Variants in SLIT3 observed in about 807,000 individuals in gnomAD.
SLIT3 encodes slit guidance ligand 3.
A neutral mutation model predicts 184.0 loss-of-function variants in SLIT3; 68 were observed. The observed-to-expected ratio is 0.37, with a 90% CI of 0.30 to 0.45. The LOEUF is 0.45. Among genes scored for constraint, SLIT3 ranks in the 20% least tolerant of loss-of-function variants. The pLI, the probability that SLIT3 is intolerant of heterozygous loss-of-function variation, is 1.00. For missense variants in SLIT3, 1,707 were observed against 2,026.0 expected (o/e 0.84, Z 3.02); for synonymous variants, 831 against 828.6 (o/e 1.00, Z -0.05).
In SLIT3 at chr5:168,671,281, C is replaced by A. The variant is rs372876846; in HGVS notation, c.4044G>T (p.Lys1348Asn). The change falls in exon 34 of 36, where the codon AAG becomes AAT. Residue 1348 changes from lysine (K) to asparagine (N), a missense_variant. Lys to Asn is a moderately conservative substitution (Grantham distance 94, BLOSUM62 0). Around this residue, in one of 3 missense-constraint regions of SLIT3, gnomAD observed 387 missense variants for 477.9 expected, o/e 0.81. Transcript: ENST00000519560. ...GGCGGCACTCGCACACCACGCTGTC[C>A]TTCTCCACGGAGCGGCACAGGCCGT... ...CKHGLCRSVE[K>N]DSVVCECRPG... 1.3e-4 allele frequency: 213 copies of A among 1,613,656 alleles called. No individual in the cohort carries two copies. Among genetic ancestry groups the A allele is most frequent in the Non-Finnish European group, 1.8e-4 (208 of 1,179,936 alleles).
intron 20 of SLIT3, among the ~76,000 whole-genome samples, chr5:168,746,438 GTGT>G (rs1763819908): frequency 7.3e-6 from 1 of 137,136 alleles, no homozygotes; most frequent in Non-Finnish European, 1.6e-5. Context: ...GTGTGTGGTG[GTGT>G]GGGTGTGGCA....
chr5:169,151,026 T>C (rs751013430), intron 4 of SLIT3, among the ~76,000 whole-genome samples: 28 of 152,070 alleles, frequency 1.8e-4, no homozygotes, highest in Non-Finnish European at 3.5e-4. Flanking sequence ...AAGAAGGATC[T>C]AGTAGTGAGG....
At chr5:169,216,551 G>T (rs17070997) in intron 3 of SLIT3, among the ~76,000 whole-genome samples, 2,593 of 152,222 alleles carry the variant, frequency 0.017, 29 homozygotes, top group Admixed American at 0.03. Flanking sequence ...GCCAATTACC[G>T]AAAACACTTT....
At chr5:169,287,779 G>C (rs969621302) in intron 1 of SLIT3, among the ~76,000 whole-genome samples, 1 of 152,134 alleles carries the variant, frequency 6.6e-6, no homozygotes, top group Admixed American at 6.5e-5. Flanking sequence ...TTCTCAGGGC[G>C]GTTGCAAGCC....
intron 4 of SLIT3, among the ~76,000 whole-genome samples, chr5:169,187,595 T>G (rs1212259504): frequency 1.4e-5 from 2 of 147,842 alleles, no homozygotes; most frequent in Non-Finnish European, 3.0e-5. Context: ...CGCTCTGCCA[T>G]CCAAGCTAGA....
chr5:169,155,005 A>G (rs1007046651), intron 4 of SLIT3, among the ~76,000 whole-genome samples: 7 of 152,236 alleles, frequency 4.6e-5, no homozygotes, highest in Admixed American at 1.3e-4. Context: ...TCATCTAAAA[A>G]TCAGCTCTAA....
At chr5:168,854,608 T>G (rs1382279444) in intron 5 of SLIT3, among the ~76,000 whole-genome samples, 1 of 152,240 alleles carries the variant, frequency 6.6e-6, no homozygotes, top group African/African-American at 2.4e-5. Context: ...GGCAGAGGCA[T>G]GGCCTCTCCG....
chr5:168,938,432 G>T (rs1014000783), intron 4 of SLIT3, among the ~76,000 whole-genome samples: 1 of 152,170 alleles, frequency 6.6e-6, no homozygotes, highest in Admixed American at 6.5e-5. Flanking sequence ...ATATTGCCTG[G>T]TACTGAGAAA....
chr5:169,266,542 G>T (rs1030491622), intron 1 of SLIT3, among the ~76,000 whole-genome samples: 69 of 152,250 alleles, frequency 4.5e-4, no homozygotes, highest in African/African-American at 1.6e-3. Flanking sequence ...AAATGGAGGG[G>T]TCCCCCAGAG....
chr5:168,861,517 C>G (rs1434307675), intron 5 of SLIT3, among the ~76,000 whole-genome samples: 1 of 151,810 alleles, frequency 6.6e-6, no homozygotes, highest in Non-Finnish European at 1.5e-5. Context: ...CATCTCATAC[C>G]TGCCTTGGTA....
chr5:168,900,841 T>C (rs917076316), intron 4 of SLIT3, among the ~76,000 whole-genome samples: 2 of 152,176 alleles, frequency 1.3e-5, no homozygotes, highest in Non-Finnish European at 2.9e-5. Flanking sequence ...GTCATTATTG[T>C]AAGTGAAACA....
chr5:168,672,008 G>A (rs1761266211), intron 33 of SLIT3, among the ~76,000 whole-genome samples: 1 of 152,252 alleles, frequency 6.6e-6, no homozygotes. Flanking sequence ...GCTGCCTTAT[G>A]TGCGGTGTAC....
At chr5:169,268,385 C>A (rs1390011590) in intron 1 of SLIT3, among the ~76,000 whole-genome samples, 1 of 152,222 alleles carries the variant, frequency 6.6e-6, no homozygotes, top group Non-Finnish European at 1.5e-5. Context: ...CATCTGATGG[C>A]ACCACATAAG....
intron 29 of SLIT3, among the ~76,000 whole-genome samples, chr5:168,690,609 A>G (rs541584083): frequency 6.6e-6 from 1 of 152,284 alleles, no homozygotes; most frequent in African/African-American, 2.4e-5. Context: ...AAAGATCAGC[A>G]GTGAACTGAA....
At chr5:168,812,537 C>CA (rs1757194514) in intron 8 of SLIT3, among the ~76,000 whole-genome samples, 1 of 151,944 alleles carries the variant, frequency 6.6e-6, no homozygotes, top group Admixed American at 6.5e-5. Context: ...TGAACAACAA[C>CA]AAAAAAACCT....
At chr5:168,842,479 T>TGTTTTG (rs1554147709) in intron 6 of SLIT3, among the ~76,000 whole-genome samples, 1 of 145,450 alleles carries the variant, frequency 6.9e-6, no homozygotes, top group South Asian at 2.2e-4. Flanking sequence ...GTTTTTTTTT[T>TGTTTTG]TTTTTTTTGT....
chr5:168,842,384 T>C lies in SLIT3; in HGVS notation c.557+2200A>G, dbSNP rs569561553. Among the ~76,000 whole-genome samples the C allele has an allele frequency of 1.2e-3, 179 of 148,526 alleles. 1 individual carries two copies. The highest frequency in any genetic ancestry group is 4.1e-3 in the African/African-American group (169 of 41,262). On this transcript the variant is annotated intron_variant, in intron 6 of 35. Coordinates refer to ENST00000519560, the MANE Select transcript of SLIT3 (RefSeq NM_003062.4). ...ATGGGCTCTTTGCAATGATAAGGAA[T>C]GAGAACTTTTTTTTTTTTCTTTCAG...
Position 168,662,972 on chromosome 5 carries a change from C to G in SLIT3, c.*3482G>C, listed in dbSNP as rs1320485717. 1 of 152,230 alleles carries G rather than the reference C, an allele frequency of 6.6e-6. No homozygotes were observed. The highest frequency in any genetic ancestry group is 1.5e-5 in the Non-Finnish European group (1 of 68,074). 9.4% of individuals were successfully genotyped at this position (152,230 alleles called of 1,614,324 possible). Reference sequence around the variant, plus strand: ...TTTTCTTAATGGTCCTTGCATTTGGCATTTCTTAAAGTCAGGGCTTCCAAA... The same window carrying G: ...TTTTCTTAATGGTCCTTGCATTTGGGATTTCTTAAAGTCAGGGCTTCCAAA... On this transcript the variant is annotated 3_prime_UTR_variant, in exon 36 of 36. Transcript: ENST00000519560.
intron 5 of SLIT3, among the ~76,000 whole-genome samples, chr5:168,854,852 TA>T (rs1466268252): frequency 6.6e-6 from 1 of 152,150 alleles, no homozygotes; most frequent in African/African-American, 2.4e-5. Context: ...AGAAGCCAAT[TA>T]AAACATGTCT....
Sources: gnomAD v4.1 joint callset for allele counts (sites outside exome capture counted in the v4.1 genomes callset) on GRCh38, gnomAD v4.1.1 for gene constraint, gnomAD v4.1.1 regional missense constraint, MANE v1.5 for transcripts, NCBI Gene and HGNC (gene_info 2026-07-23, HGNC 2026-07-21) for gene names.